HECW2: variants seen among roughly 807,000 people sequenced by gnomAD.
HECW2 encodes the protein E3 ubiquitin-protein ligase HECW2.
A neutral mutation model predicts 175.2 loss-of-function variants in HECW2; 61 were observed. That is an observed-to-expected ratio of 0.35 (90% CI 0.28 to 0.43). HECW2 has a LOEUF of 0.43. HECW2 is among the 20% of genes least tolerant of loss of function. The pLI is 1.00. For missense variants in HECW2, 1,524 were observed against 2,000.5 expected, an observed-to-expected ratio of 0.76 and a Z score of 4.54; for synonymous variants, 671 against 731.0, an observed-to-expected ratio of 0.92 and a Z score of 1.32.
intron 17 of HECW2, among the ~76,000 whole-genome samples, chr2:196,268,173 T>G (rs1575326885): frequency 6.6e-6 from 1 of 152,290 alleles, no homozygotes; most frequent in South Asian, 2.1e-4. Flanking sequence ...AATATTTAAC[T>G]CCCAAAAACT....
At chr2:196,296,170 G>A (rs182018956) in intron 13 of HECW2, among the ~76,000 whole-genome samples, 4 of 152,060 alleles carry the variant, frequency 2.6e-5, no homozygotes, top group Non-Finnish European at 5.9e-5. Context: ...ATATATATAT[G>A]TAATTTATAT....
chr2:196,508,465 T>C (rs1247664736), intron 1 of HECW2, among the ~76,000 whole-genome samples: 1 of 152,256 alleles, frequency 6.6e-6, no homozygotes, highest in African/African-American at 2.4e-5. Flanking sequence ...CTGAAGCTGA[T>C]GAGCAGGAAA....
intron 1 of HECW2, among the ~76,000 whole-genome samples, chr2:196,464,108 G>A (rs1022266064): frequency 1.3e-5 from 2 of 150,796 alleles, no homozygotes; most frequent in African/African-American, 2.4e-5. Context: ...CCACTTTTGC[G>A]GCCATTATCA....
At chr2:196,226,375 C>T (rs1027621120) in intron 22 of HECW2, among the ~76,000 whole-genome samples, 1 of 152,158 alleles carries the variant, frequency 6.6e-6, no homozygotes, top group African/African-American at 2.4e-5. Context: ...GTACAGCCTG[C>T]AGAATCATGA....
intron 1 of HECW2, among the ~76,000 whole-genome samples, chr2:196,498,498 C>T (rs905266920): frequency 2.0e-5 from 3 of 152,214 alleles, no homozygotes; most frequent in East Asian, 1.9e-4. Flanking sequence ...ATAACTGACT[C>T]GATTTTACTG....
intron 1 of HECW2, among the ~76,000 whole-genome samples, chr2:196,547,332 G>C (rs1689458423): frequency 6.6e-6 from 1 of 152,216 alleles, no homozygotes. Flanking sequence ...TCAGATGGAA[G>C]ATTCTGGCTG....
At chr2:196,586,764 C>G (rs1027355221) in intron 1 of HECW2, 3 of 150,968 alleles carry the variant, frequency 2.0e-5, no homozygotes, top group Admixed American at 2.0e-4. Context: ...CAAAAAAAAA[C>G]TCTTCCTATA....
At position 196,220,823 on chromosome 2, in the gene HECW2, G is replaced by A; in HGVS notation, c.4265C>T (p.Thr1422Ile). ...WRIERGVVQQ[T>I]ESLVRGFYEV... ...ATAGAAGCCACGCACTAAGCTCTCT[G>A]TTTGCTGTACAACACCCCTCTCAAT... The change falls in exon 25 of 29, where the codon ACA becomes ATA. Residue 1422 changes from threonine (T) to isoleucine (I), a missense_variant. Around this residue, in one of 11 missense-constraint regions of HECW2, gnomAD observed 134 missense variants for 287.8 expected, o/e 0.47. Coordinates refer to ENST00000644978, the MANE Select transcript of HECW2 (RefSeq NM_001348768.2). 1 of 1,614,096 alleles carries A rather than the reference G, an allele frequency of 6.2e-7. No homozygotes were observed.
chr2:196,510,014 C>T (rs1687890349), intron 1 of HECW2, among the ~76,000 whole-genome samples: 2 of 152,162 alleles, frequency 1.3e-5, no homozygotes, highest in African/African-American at 2.4e-5. Context: ...ACTATTCCTC[C>T]TTCTCTCCAT....
In HECW2 at chr2:196,518,600, A is replaced by G. The variant is rs112932897; in HGVS notation, c.-36+74908T>C. Among the ~76,000 whole-genome samples, 429 of 143,668 alleles carry G rather than the reference A, an allele frequency of 3.0e-3. 1 individual carries two copies. The highest frequency in any genetic ancestry group is 0.01 in the African/African-American group (404 of 38,876). The allele number at this position is 143,668 out of a possible 152,430, so 94.3% of individuals were successfully genotyped here. Reference sequence around the variant, plus strand: ...AACCCGGGAAGCAGAGGTTGCAGCGAGCTGAGATTGCGCCACTGCACTCCA... The same window carrying G: ...AACCCGGGAAGCAGAGGTTGCAGCGGGCTGAGATTGCGCCACTGCACTCCA... On this transcript the variant is annotated intron_variant, in intron 1 of 28. Transcript: ENST00000644978.
chr2:196,226,592 T>C (rs912100282), intron 22 of HECW2, among the ~76,000 whole-genome samples: 6 of 152,172 alleles, frequency 3.9e-5, no homozygotes, highest in Admixed American at 1.3e-4. Flanking sequence ...TTCAGTGACA[T>C]TTCCCCAAAC....
At chr2:196,239,799 C>G (rs1234644321) in intron 21 of HECW2, 1 of 152,226 alleles carries the variant, frequency 6.6e-6, no homozygotes, top group Non-Finnish European at 1.5e-5. Flanking sequence ...TTGGGCACAA[C>G]AGACACTGTG....
chr2:196,213,809 C>G (rs1386721265), intron 28 of HECW2, among the ~76,000 whole-genome samples: 2 of 152,160 alleles, frequency 1.3e-5, no homozygotes, highest in Non-Finnish European at 2.9e-5. Context: ...GCCTGACCCT[C>G]AAGATTCTTC....
intron 10 of HECW2, chr2:196,315,824 T>G (rs1691674329): frequency 6.6e-6 from 1 of 152,118 alleles, no homozygotes; most frequent in Non-Finnish European, 1.5e-5. Context: ...ACAGCAAAAA[T>G]TACAGCAATT....
chr2:196,467,927 T>C (rs890832746), intron 1 of HECW2, among the ~76,000 whole-genome samples: 5 of 152,266 alleles, frequency 3.3e-5, no homozygotes, highest in African/African-American at 1.2e-4. Flanking sequence ...CAGAGTCTAA[T>C]AATCATCAGC....
At chr2:196,276,832 C>G (rs1029149679) in intron 15 of HECW2, among the ~76,000 whole-genome samples, 4 of 152,168 alleles carry the variant, frequency 2.6e-5, no homozygotes, top group African/African-American at 9.7e-5. Flanking sequence ...ACACATGATG[C>G]ATTGGAGCAA....
In HECW2 at chr2:196,252,450, TA is replaced by T. The variant is rs1332259704; in HGVS notation, c.3529+1469del. Among the ~76,000 whole-genome samples, 3 of 152,212 alleles carry T rather than the reference TA, an allele frequency of 2.0e-5. No individual in the cohort carries two copies. The East Asian group carries it at 5.8e-4, about 29-fold the overall frequency. On this transcript the variant is annotated intron_variant, in intron 19 of 28. Coordinates refer to ENST00000644978, the MANE Select transcript of HECW2 (RefSeq NM_001348768.2). ...GGCCTTGTGGGGGGTGTTTGGATCA[TA>T]AGTGCAGATCCCTCATGAATGGTTT...
chr2:196,327,208 T>G (rs1165236117), intron 5 of HECW2, among the ~76,000 whole-genome samples: 2 of 152,164 alleles, frequency 1.3e-5, no homozygotes, highest in Non-Finnish European at 2.9e-5. Context: ...ACCAGACAAT[T>G]AAGTCACTGC....
chr2:196,273,913 T>C (rs911338845), intron 16 of HECW2, 108 bp downstream of exon 16: 2 of 749,858 alleles, frequency 2.7e-6, no homozygotes, highest in African/African-American at 1.7e-5. Context: ...AATTTCTCAA[T>C]ATAGGGCAAA....
Sources: gnomAD v4.1 joint callset for allele counts (sites outside exome capture counted in the v4.1 genomes callset) on GRCh38, gnomAD v4.1.1 for gene constraint, gnomAD v4.1.1 regional missense constraint, MANE v1.5 for transcripts, NCBI Gene and HGNC (gene_info 2026-07-23, HGNC 2026-07-21) for gene names.